Variants in ZNF106 observed in about 807,000 individuals in gnomAD.
ZNF106 encodes SH3-domain binding protein 3.
Under a neutral mutation model 195.1 loss-of-function variants are expected in ZNF106, and 67 were observed. The observed-to-expected ratio is 0.34, with a 90% CI of 0.28 to 0.42. The LOEUF is 0.42. ZNF106 is among the 10% of genes least tolerant of loss of function. The pLI, the probability that ZNF106 is intolerant of heterozygous loss-of-function variation, is 1.00. For missense variants in ZNF106, 2,118 were observed against 2,304.5 expected, an observed-to-expected ratio of 0.92 and a Z score of 1.66; for synonymous variants, 784 against 818.6, an observed-to-expected ratio of 0.96 and a Z score of 0.72.
At chr15:42,464,524 T>G (rs1202021807) in intron 3 of ZNF106, among the ~76,000 whole-genome samples, 10 of 128,788 alleles carry the variant, frequency 7.8e-5, no homozygotes, top group Non-Finnish European at 1.4e-4. Flanking sequence ...ACATGCTACT[T>G]TTTTTTTTTT....
intron 1 of ZNF106, among the ~76,000 whole-genome samples, chr15:42,482,126 A>G (rs1408413844): frequency 6.6e-6 from 1 of 152,110 alleles, no homozygotes; most frequent in Non-Finnish European, 1.5e-5. Flanking sequence ...TTCAGATATC[A>G]TATTTTTCAG....
intron 3 of ZNF106, among the ~76,000 whole-genome samples, chr15:42,458,824 G>A (rs1375294656): frequency 6.6e-6 from 1 of 150,724 alleles, no homozygotes; most frequent in African/African-American, 2.4e-5. Flanking sequence ...CAGGTGACCT[G>A]TAACAGAAAC....
At chr15:42,472,108 T>A in intron 2 of ZNF106, 128 bp downstream of exon 2, 2 of 915,180 alleles carry the variant, frequency 2.2e-6, no homozygotes, top group East Asian at 3.0e-5. Context: ...AAAAGAAGCA[T>A]AAATAAGACA....
In ZNF106 at chr15:42,457,056, G is replaced by A. The variant is rs758982400; in HGVS notation, c.219C>T (p.Ala73=). The stretch of plus-strand genomic sequence containing the variant: ...CTTTTCCATCATCTTCTCTTTCCTG[G>A]GCATCAACGTTATCTTTGTGCAACT... ...SGQLHKDNVD[A]QEREDDGKGE... Residue 73 remains alanine (A), a synonymous_variant, in exon 4 of 22, where the codon GCC becomes GCT. Transcript: ENST00000564754. 1.5e-4 allele frequency: 245 copies of A among 1,610,734 alleles called. 2 individuals carry two copies. The East Asian group carries it at 5.4e-3, about 35-fold the overall frequency.
rs551802296 is a variant in ZNF106 at position 42,459,106 on chromosome 15, T to C, written c.117-1948A>G. On this transcript the variant is annotated intron_variant, in intron 3 of 21. Coordinates refer to ENST00000564754, the MANE Select transcript of ZNF106 (RefSeq NM_001366845.3). The stretch of plus-strand genomic sequence containing the variant: ...ACCTGATTACCCAGAATATCAATAT[T>C]CTAATTCCACAGGTACTTAAATACA... Among the ~76,000 whole-genome samples, 368 of 152,298 alleles carry C rather than the reference T, an allele frequency of 2.4e-3. 1 individual carries two copies. The Middle Eastern group carries it at 0.034, about 14-fold the overall frequency.
intron 1 of ZNF106, among the ~76,000 whole-genome samples, chr15:42,489,093 A>AACACACACACAC (rs368303436): frequency 7.1e-4 from 101 of 142,470 alleles, no homozygotes; most frequent in African/African-American, 2.4e-3. Flanking sequence ...AAAAAAAAAC[A>AACACACACACAC]ACACACACAC....
intron 1 of ZNF106, 83 bp from the exon 2 acceptor site, chr15:42,472,404 C>T (rs2056694754): frequency 1.0e-6 from 1 of 995,812 alleles, no homozygotes. Flanking sequence ...AATTACAAGT[C>T]TTATCTTCCT....
intron 3 of ZNF106, among the ~76,000 whole-genome samples, chr15:42,458,129 T>C (rs1335206879): frequency 6.6e-6 from 1 of 152,116 alleles, no homozygotes; most frequent in Non-Finnish European, 1.5e-5. Context: ...ACAATCCAAA[T>C]TGGCTTAACT....
rs747387530 is a variant in ZNF106, at chr15:42,448,216, A to G, written c.2991T>C (p.Asn997=). ...PSENQNSQES[N]GEGNCLSSSA... ...TTGATGACAGACAGTTTCCCTCTCCATTACTCTCCTGGGAATTCTGATTCT... is the reference window on the plus strand; with the variant it reads ...TTGATGACAGACAGTTTCCCTCTCCGTTACTCTCCTGGGAATTCTGATTCT... The change falls in exon 6 of 22, where the codon AAT becomes AAC. Residue 997 remains asparagine, a synonymous_variant. Transcript: ENST00000564754. 8.7e-6 allele frequency: 14 copies of G among 1,613,926 alleles called. No homozygotes were observed. Among genetic ancestry groups the G allele is most frequent in the Non-Finnish European group, 1.2e-5 (14 of 1,179,994 alleles).
At chr15:42,466,156 C>T (rs1211611383) in intron 2 of ZNF106, 42 bp from the exon 3 acceptor site, 3 of 1,386,476 alleles carry the variant, frequency 2.2e-6, no homozygotes, top group African/African-American at 1.5e-5. Flanking sequence ...AGCAGGATTG[C>T]TTTGAAAAAA....
chr15:42,472,432 T>C, intron 1 of ZNF106, 111 bp from the exon 2 acceptor site: 1 of 709,944 alleles, frequency 1.4e-6, no homozygotes. Context: ...ACCTTGCTCC[T>C]CCCCCAGATC....
chr15:42,456,868 T>A, intron 4 of ZNF106, 90 bp downstream of exon 4: 1 of 1,223,720 alleles, frequency 8.2e-7, no homozygotes, highest in Non-Finnish European at 1.1e-6. Context: ...TAAGTTTAAA[T>A]GCCATGGGCT....
chr15:42,463,345 A>C (rs1567025408), intron 3 of ZNF106, among the ~76,000 whole-genome samples: 1 of 152,160 alleles, frequency 6.6e-6, no homozygotes, highest in Non-Finnish European at 1.5e-5. Flanking sequence ...AGTTGACTGC[A>C]TTTCATAGAT....
In ZNF106 at chr15:42,444,227, T is replaced by G; in HGVS notation, c.3396A>C (p.Arg1132Ser). The G allele has an allele frequency of 6.2e-7, 1 of 1,611,286 alleles. No individual in the cohort carries two copies. Among genetic ancestry groups the G allele is most frequent in the South Asian group, 1.1e-5 (1 of 90,956 alleles). ...TMEMSALRTH[R>S]IQILQGLQET... ...CTTGTAATCCCTGTAGAATCTGTATTCTATGGGTCCTCAGTGCACTCATCT... is the reference window on the plus strand; with the variant it reads ...CTTGTAATCCCTGTAGAATCTGTATGCTATGGGTCCTCAGTGCACTCATCT... Residue 1132 changes from arginine to serine, a missense_variant, in exon 9 of 22, where the codon AGA (arginine) becomes AGC (serine). Arg to Ser is a moderately radical substitution (Grantham distance 110). Transcript: ENST00000564754.
chr15:42,446,316 C>T (rs1474666686), intron 7 of ZNF106, among the ~76,000 whole-genome samples: 1 of 152,174 alleles, frequency 6.6e-6, no homozygotes, highest in Non-Finnish European at 1.5e-5. Context: ...CACGGTGGCT[C>T]ACATCTATAA....
At chr15:42,446,860 CA>C (rs2055793897) in intron 6 of ZNF106, among the ~76,000 whole-genome samples, 1 of 152,046 alleles carries the variant, frequency 6.6e-6, no homozygotes, top group Non-Finnish European at 1.5e-5. Context: ...AAAAAGAATC[CA>C]GGGTGAAGTG....
chr15:42,448,295 A>G lies in ZNF106; in HGVS notation c.2912T>C (p.Leu971Ser). ...AQLSSDHIIPLMHLAKDLNSQ... is the reference protein window; with the variant it reads ...AQLSSDHIIPSMHLAKDLNSQ... ...GTTCAAGTCTTTTGCCAAATGCATC[A>G]AAGGTATTATATGGTCAGAGGATAA... Residue 971 changes from leucine to serine, a missense_variant, in exon 6 of 22, where the codon TTG (leucine) becomes TCG (serine). Physicochemically the swap from Leu to Ser is moderately radical, Grantham distance 145. Coordinates refer to ENST00000564754, the MANE Select transcript of ZNF106 (RefSeq NM_001366845.3). The G allele has an allele frequency of 6.2e-7, 1 of 1,614,182 alleles. No individual in the cohort carries two copies. Among genetic ancestry groups the G allele is most frequent in the Non-Finnish European group, 8.5e-7 (1 of 1,180,018 alleles).
At chr15:42,427,242 A>C (rs2054892799) in intron 15 of ZNF106, among the ~76,000 whole-genome samples, 1 of 152,172 alleles carries the variant, frequency 6.6e-6, no homozygotes, top group Non-Finnish European at 1.5e-5. Context: ...TGCTAATACC[A>C]ATCTTTCCCA....
In ZNF106 at chr15:42,451,671, G is replaced by C. The variant is rs753622156; in HGVS notation, c.601C>G (p.His201Asp). Residue 201 changes from histidine to aspartate, a missense_variant, in exon 5 of 22, where the codon CAT becomes GAT. His to Asp is a moderately conservative substitution (Grantham distance 81). Coordinates refer to ENST00000564754, the MANE Select transcript of ZNF106 (RefSeq NM_001366845.3). Reference sequence around the variant, plus strand: ...AGCCAACCACCTCCAGAATTACTATGGTTGTGAAACCAAGTCGAGGAGCCT... The same window carrying C: ...AGCCAACCACCTCCAGAATTACTATCGTTGTGAAACCAAGTCGAGGAGCCT... ...AGGSSTWFHNHSNSGGGWLSN... is the reference protein window; with the variant it reads ...AGGSSTWFHNDSNSGGGWLSN... 31 of 1,614,088 alleles carry C rather than the reference G, an allele frequency of 1.9e-5. No homozygotes were observed. The highest frequency in any genetic ancestry group is 2.6e-5 in the Non-Finnish European group (31 of 1,180,060).
Sources: gnomAD v4.1 joint callset for allele counts (sites outside exome capture counted in the v4.1 genomes callset) on GRCh38, gnomAD v4.1.1 for gene constraint, MANE v1.5 for transcripts, NCBI Gene and HGNC (gene_info 2026-07-23, HGNC 2026-07-21) for gene names.